The following KIAA1328 variants were observed in gnomAD, a reference collection of about 807,000 sequenced individuals.
The protein encoded by KIAA1328 is KIAA1328, also known as protein hinderin.
Under a neutral mutation model 68.1 loss-of-function variants are expected in KIAA1328, and 52 were observed. The observed-to-expected ratio is 0.76, with a 90% CI of 0.61 to 0.96. The LOEUF (loss-of-function observed/expected upper bound fraction) is 0.96, where lower values mean the gene tolerates loss of function less well. KIAA1328 is among the 40% of genes least tolerant of loss of function. The pLI, the probability that KIAA1328 is intolerant of heterozygous loss-of-function variation, is 0.00. For synonymous variants in KIAA1328, 232 were observed against 239.4 expected (o/e 0.97, Z 0.28); for missense variants, 641 against 677.6 (o/e 0.95, Z 0.60).
chr18:36,994,861 G>A (rs761955351), intron 6 of KIAA1328, among the ~76,000 whole-genome samples: 9 of 152,046 alleles, frequency 5.9e-5, no homozygotes, highest in Non-Finnish European at 1.3e-4. Flanking sequence ...TCCAATTCCT[G>A]AGCCAATAGC....
At chr18:36,975,965 G>A (rs555991069) in intron 6 of KIAA1328, among the ~76,000 whole-genome samples, 37 of 152,060 alleles carry the variant, frequency 2.4e-4, no homozygotes, top group Admixed American at 1.1e-3. Flanking sequence ...CTCTGGATTA[G>A]GCATGTCATG....
chr18:37,169,164 A>T (rs940845887), intron 8 of KIAA1328, among the ~76,000 whole-genome samples: 1 of 149,728 alleles, frequency 6.7e-6, no homozygotes, highest in African/African-American at 2.4e-5. Context: ...TTATTTATTT[A>T]TTTATATTTT....
intron 7 of KIAA1328, among the ~76,000 whole-genome samples, chr18:37,106,636 C>G (rs909887882): frequency 1.3e-5 from 2 of 152,012 alleles, no homozygotes; most frequent in Non-Finnish European, 1.5e-5. Context: ...CCAGGCTGGT[C>G]TCGAACTCCT....
chr18:37,100,923 C>T (rs1477822014), intron 7 of KIAA1328, among the ~76,000 whole-genome samples: 1 of 152,158 alleles, frequency 6.6e-6, no homozygotes, highest in Non-Finnish European at 1.5e-5. Context: ...CTGGAGTGGA[C>T]CTCTAGTAAA....
chr18:37,222,093 A>G lies in KIAA1328; in HGVS notation c.1600A>G (p.Arg534Gly). The G allele has an allele frequency of 2.5e-6, 4 of 1,613,690 alleles. No individual in the cohort carries two copies. Among genetic ancestry groups the G allele is most frequent in the Non-Finnish European group, 3.4e-6 (4 of 1,179,800 alleles). Reference sequence around the variant, plus strand: ...GCCCAAACCTCAGCGCTATCCCTCCAGAGAAGCTGGGGCCTGGAATCATGG... The same window carrying G: ...GCCCAAACCTCAGCGCTATCCCTCCGGAGAAGCTGGGGCCTGGAATCATGG... ...SAPKPQRYPS[R>G]EAGAWNHGTF... The change falls in exon 10 of 10, where the codon AGA (arginine) becomes GGA (glycine). Residue 534 changes from arginine to glycine, a missense_variant. Arg to Gly is a moderately radical substitution (Grantham distance 125, BLOSUM62 -2). Transcript: ENST00000280020.
At chr18:37,098,148 T>C (rs1321455240) in intron 7 of KIAA1328, among the ~76,000 whole-genome samples, 1 of 152,236 alleles carries the variant, frequency 6.6e-6, no homozygotes, top group Non-Finnish European at 1.5e-5. Context: ...CCCTGTCTTG[T>C]GCCAGTTTTC....
At position 36,829,190 on chromosome 18, in the gene KIAA1328, C is replaced by A. The variant is rs1299560032; in HGVS notation, c.52C>A (p.Arg18=). ...SRPSAAAFWS[R]DFSDEEQSVV... is the part of the protein sequence containing the mutation. ...CCCCAGTGCCGCGGCGTTCTGGAGCCGGGACTGTATCCTTTGCCCGCCTGA... is the reference window on the plus strand; with the variant it reads ...CCCCAGTGCCGCGGCGTTCTGGAGCAGGGACTGTATCCTTTGCCCGCCTGA... The change falls in exon 1 of 10, where the codon CGG becomes AGG. Residue 18 remains arginine, a synonymous_variant. Transcript: ENST00000280020. 1 of 1,531,910 alleles carries A rather than the reference C, an allele frequency of 6.5e-7. No homozygotes were observed. The allele number at this position is 1,531,910 out of a possible 1,614,324, so 94.9% of individuals were successfully genotyped here.
intron 5 of KIAA1328, among the ~76,000 whole-genome samples, chr18:36,949,003 G>GT (rs1204704168): frequency 7.9e-5 from 12 of 152,286 alleles, no homozygotes; most frequent in African/African-American, 2.6e-4. Flanking sequence ...ATTTTCCATA[G>GT]TCTATATTGT....
intron 1 of KIAA1328, among the ~76,000 whole-genome samples, chr18:36,830,572 C>G (rs561597077): frequency 4.6e-5 from 7 of 151,856 alleles, no homozygotes; most frequent in Admixed American, 6.6e-5. Flanking sequence ...AATATAGAAT[C>G]AATGGTTTGG....
chr18:36,831,681 G>A (rs1008392161), intron 1 of KIAA1328, among the ~76,000 whole-genome samples: 1 of 152,140 alleles, frequency 6.6e-6, no homozygotes, highest in Non-Finnish European at 1.5e-5. Flanking sequence ...AACAAAGACT[G>A]TATGTTGTGG....
chr18:36,857,771 C>A (rs1309700127), intron 4 of KIAA1328, among the ~76,000 whole-genome samples: 1 of 152,144 alleles, frequency 6.6e-6, no homozygotes, highest in Non-Finnish European at 1.5e-5. Flanking sequence ...TGTAATGATA[C>A]CCCTCCATGG....
At chr18:37,058,531 G>T (rs1425490164) in intron 6 of KIAA1328, among the ~76,000 whole-genome samples, 1 of 151,976 alleles carries the variant, frequency 6.6e-6, no homozygotes, top group Admixed American at 6.6e-5. Context: ...TGGGCAACAC[G>T]GTGAAACCCT....
chr18:37,191,845 G>A (rs2059909941), intron 9 of KIAA1328, among the ~76,000 whole-genome samples: 1 of 152,064 alleles, frequency 6.6e-6, no homozygotes, highest in South Asian at 2.1e-4. Context: ...TATCAACAAG[G>A]GGAGTGAGGT....
At chr18:37,140,435 G>T (rs1237679031) in intron 7 of KIAA1328, among the ~76,000 whole-genome samples, 1 of 151,988 alleles carries the variant, frequency 6.6e-6, no homozygotes, top group African/African-American at 2.4e-5. Flanking sequence ...TTTAAAATTT[G>T]CCATTAAAGC....
chr18:37,089,533 C>A (rs2057210783), intron 7 of KIAA1328, among the ~76,000 whole-genome samples: 1 of 151,960 alleles, frequency 6.6e-6, no homozygotes, highest in Admixed American at 6.6e-5. Context: ...CGCCGCCATG[C>A]CCGGCTAATT....
chr18:36,883,952 G>GTATATGTGTATATATATATA lies in KIAA1328; in HGVS notation c.333-1600_333-1599insGTGTATATATATATATATAT, dbSNP rs540895118. Among the ~76,000 whole-genome samples the GTATATGTGTATATATATATA allele has an allele frequency of 5.2e-4, 63 of 120,818 alleles. 1 individual carries two copies. The highest frequency in any genetic ancestry group is 7.7e-4 in the Non-Finnish European group (44 of 57,150). 79.3% of individuals were successfully genotyped at this position (120,818 alleles called of 152,430 possible). ...TACAAATGCTTTCCATATTTATAAA[G>GTATATGTGTATATATATATA]TATATATATATATATATACACACAC... On this transcript the variant is annotated intron_variant, in intron 4 of 9. Coordinates refer to ENST00000280020, the MANE Select transcript of KIAA1328 (RefSeq NM_020776.3).
At chr18:37,050,864 C>T (rs1280503373) in intron 6 of KIAA1328, among the ~76,000 whole-genome samples, 1 of 152,158 alleles carries the variant, frequency 6.6e-6, no homozygotes, top group African/African-American at 2.4e-5. Flanking sequence ...TATGATTTCT[C>T]ATCTAGCCTT....
chr18:37,149,641 G>T (rs74680721), intron 7 of KIAA1328, among the ~76,000 whole-genome samples: 1 of 152,032 alleles, frequency 6.6e-6, no homozygotes, highest in East Asian at 1.9e-4. Flanking sequence ...ATATAGAAAA[G>T]GTATAGTAAA....
chr18:37,001,280 G>T (rs530604702), intron 6 of KIAA1328, among the ~76,000 whole-genome samples: 4 of 151,958 alleles, frequency 2.6e-5, no homozygotes, highest in African/African-American at 4.8e-5. Flanking sequence ...ATAGGAAATG[G>T]ATAAATTCCT....
Sources: allele counts gnomAD v4.1 joint callset (sites outside exome capture counted in the v4.1 genomes callset), GRCh38; gene constraint gnomAD v4.1.1; transcripts MANE v1.5; gene names NCBI Gene and HGNC (gene_info 2026-07-23, HGNC 2026-07-21).